The following KDM1B variants were observed in gnomAD, a reference collection of about 807,000 sequenced individuals.
KDM1B encodes lysine demethylase 1B.
Under a neutral mutation model 107.4 loss-of-function variants are expected in KDM1B, and 63 were observed. The observed-to-expected ratio is 0.59, with a 90% CI of 0.48 to 0.72. The LOEUF (loss-of-function observed/expected upper bound fraction) is 0.72, where lower values mean the gene tolerates loss of function less well. Ranked by LOEUF, KDM1B falls within the 30% of genes least tolerant of loss-of-function variation. The probability of loss-of-function intolerance (pLI) is 0.00; values close to 1 mark genes in which losing one functional copy is unlikely to be tolerated. For synonymous variants in KDM1B, 363 were observed against 363.9 expected (o/e 1.00, Z 0.03); for missense variants, 749 against 1,020.8 (o/e 0.73, Z 3.63).
chr6:18,164,153 A>T (rs576520630), intron 5 of KDM1B, among the ~76,000 whole-genome samples: 1 of 151,964 alleles, frequency 6.6e-6, no homozygotes, highest in African/African-American at 2.4e-5. Flanking sequence ...CTTGAGATGG[A>T]GTCTCGCTCT....
chr6:18,166,147 A>G (rs1785279859), intron 5 of KDM1B, 120 bp from the exon 6 acceptor site: 2 of 584,920 alleles, frequency 3.4e-6, no homozygotes, highest in East Asian at 2.8e-5. Context: ...CTCTACTTTT[A>G]TAACAAGGCT....
intron 6 of KDM1B, 66 bp from the exon 7 acceptor site, chr6:18,171,297 G>A (rs1474673675): frequency 2.4e-6 from 2 of 838,116 alleles, no homozygotes; most frequent in African/African-American, 1.7e-5. Flanking sequence ...ACCAAGTGGT[G>A]GAGGATAGAA....
chr6:18,173,622 G>A (rs1785805128), intron 7 of KDM1B, among the ~76,000 whole-genome samples: 1 of 151,880 alleles, frequency 6.6e-6, no homozygotes, highest in East Asian at 1.9e-4. Flanking sequence ...GTGCCTTATA[G>A]TTTTCATCTT....
intron 10 of KDM1B, among the ~76,000 whole-genome samples, chr6:18,196,399 C>T (rs1018282204): frequency 1.3e-5 from 2 of 152,130 alleles, no homozygotes; most frequent in Admixed American, 6.6e-5. Context: ...GAGACACCTC[C>T]GTACTGTCTT....
Position 18,215,022 on chromosome 6 carries a change from C to G in KDM1B, c.2125C>G (p.Leu709Val). The change falls in exon 20 of 22, where the codon CTG becomes GTG. Residue 709 changes from leucine to valine, a missense_variant. Physicochemically the swap from Leu to Val is conservative, Grantham distance 32 (BLOSUM62 1). Transcript: ENST00000650836. ...DMDPQKKHSVLMSVIAGEAVA... is the reference protein window; with the variant it reads ...DMDPQKKHSVVMSVIAGEAVA... ...ATGTCTCCAGAAGAAGCACAGCGTGCTGATGTCTGTGATTGCCGGGGAGGC... is the reference window on the plus strand; with the variant it reads ...ATGTCTCCAGAAGAAGCACAGCGTGGTGATGTCTGTGATTGCCGGGGAGGC... 1 of 1,614,018 alleles carries G rather than the reference C, an allele frequency of 6.2e-7. No homozygotes were observed. The highest frequency in any genetic ancestry group is 8.5e-7 in the Non-Finnish European group (1 of 1,179,960).
At chr6:18,207,846 A>T (rs1232642333) in intron 16 of KDM1B, among the ~76,000 whole-genome samples, 1 of 152,142 alleles carries the variant, frequency 6.6e-6, no homozygotes, top group Non-Finnish European at 1.5e-5. Context: ...GTGCATTTGT[A>T]TTGTGTGTTA....
rs751389702 is a variant in KDM1B, at chr6:18,214,564, G to C, written c.2110-443G>C. On this transcript the variant is annotated intron_variant, in intron 19 of 21. Transcript: ENST00000650836. The surrounding 1 kb of genome is among the most constrained non-coding windows in gnomAD (Gnocchi z 4.4). ...GTGTTTGCGAGGAAAATGGACTGGCGAGTGACGTGCGGATAAGGGACAGCC... is the reference window on the plus strand; with the variant it reads ...GTGTTTGCGAGGAAAATGGACTGGCCAGTGACGTGCGGATAAGGGACAGCC... 6.6e-6 allele frequency among the ~76,000 whole-genome samples: 1 copy of C among 152,150 alleles called. No homozygotes were observed. Among genetic ancestry groups the C allele is most frequent in the African/African-American group, 2.4e-5 (1 of 41,436 alleles).
Position 18,197,506 on chromosome 6 carries a change from T to G in KDM1B, c.1147-81T>G, listed in dbSNP as rs929366795. On this transcript the variant is annotated intron_variant, in intron 11 of 21. Coordinates refer to ENST00000650836, the MANE Select transcript of KDM1B (RefSeq NM_001364614.2). This position sits in a 1 kb window ranked among gnomAD's most constrained non-coding sequence, Gnocchi z 4.5. Reference sequence around the variant, plus strand: ...TCAAAGAAATGTAAATGAACGAATTTGCTCTGCAGTTCCGGAACAACTAAA... The same window carrying G: ...TCAAAGAAATGTAAATGAACGAATTGGCTCTGCAGTTCCGGAACAACTAAA... 9.3e-7 allele frequency: 1 copy of G among 1,075,000 alleles called. No individual in the cohort carries two copies. Among genetic ancestry groups the G allele is most frequent in the Non-Finnish European group, 1.4e-6 (1 of 707,562 alleles). 66.6% of individuals were successfully genotyped at this position (1,075,000 alleles called of 1,614,324 possible). A position where few individuals can be genotyped will look rare whatever the true frequency, so the allele number is the denominator to read the frequency against.
At chr6:18,199,008 GAAAAAAAAAAAAAA>G (rs70974711) in intron 12 of KDM1B, among the ~76,000 whole-genome samples, 2 of 74,696 alleles carry the variant, frequency 2.7e-5, no homozygotes, top group Non-Finnish European at 5.3e-5. Context: ...GTCTCTACCA[GAAAAAAAAAAAAAA>G]AAAAAAAAAA....
chr6:18,198,239 G>A (rs1582169188), intron 12 of KDM1B, among the ~76,000 whole-genome samples: 1 of 151,910 alleles, frequency 6.6e-6, no homozygotes, highest in East Asian at 1.9e-4. Context: ...CAATAGACAT[G>A]ATGAGAAAAA....
intron 10 of KDM1B, among the ~76,000 whole-genome samples, chr6:18,192,288 A>G (rs1787329524): frequency 6.6e-6 from 1 of 152,082 alleles, no homozygotes; most frequent in Admixed American, 6.6e-5. Flanking sequence ...GATTCTCTTG[A>G]CCCTAGCATT....
chr6:18,190,555 T>C lies in KDM1B; in HGVS notation c.785-642T>C, dbSNP rs144053680. On this transcript the variant is annotated intron_variant, in intron 9 of 21. Transcript: ENST00000650836. ...AGGCGGAGCTTGCAGCGAGCCGAGATCGCGCCACTGAACTCCAGCCAGGGC... is the reference window on the plus strand; with the variant it reads ...AGGCGGAGCTTGCAGCGAGCCGAGACCGCGCCACTGAACTCCAGCCAGGGC... 8.1e-3 allele frequency among the ~76,000 whole-genome samples: 1,231 copies of C among 151,054 alleles called. 22 individuals are homozygous for C. The highest frequency in any genetic ancestry group is 0.029 in the African/African-American group (1,175 of 40,994).
intron 6 of KDM1B, 112 bp downstream of exon 6, chr6:18,166,490 G>T: frequency 1.5e-6 from 1 of 673,192 alleles, no homozygotes; most frequent in South Asian, 1.8e-5. Flanking sequence ...TTCCTTCTAT[G>T]ACTATTAAAG....
rs184931497 is a variant in KDM1B, at chr6:18,212,749, A to G, written c.1983+145A>G. 28 of 663,682 alleles carry G rather than the reference A, an allele frequency of 4.2e-5. 1 individual carries two copies. The highest frequency in any genetic ancestry group is 4.3e-5 in the Non-Finnish European group (16 of 372,254). 41.1% of individuals were successfully genotyped at this position (663,682 alleles called of 1,614,324 possible). ...TTTTCATTTGAGTAATTGTTCGTGA[A>G]GAACACAGAAGAATATTATCAAAAC... On this transcript the variant is annotated intron_variant, in intron 18 of 21. Coordinates refer to ENST00000650836, the MANE Select transcript of KDM1B (RefSeq NM_001364614.2). The surrounding 1 kb of genome is among the most constrained non-coding windows in gnomAD (Gnocchi z 5.2).
intron 17 of KDM1B, among the ~76,000 whole-genome samples, chr6:18,208,865 A>G (rs1788614280): frequency 6.7e-6 from 1 of 148,596 alleles, no homozygotes; most frequent in Admixed American, 6.7e-5. Context: ...CCTGTTAGCC[A>G]GGATGGTCTC....
At chr6:18,179,339 T>C (rs1032402170) in intron 7 of KDM1B, among the ~76,000 whole-genome samples, 1 of 152,238 alleles carries the variant, frequency 6.6e-6, no homozygotes, top group African/African-American at 2.4e-5. Flanking sequence ...TTGTCTTGGA[T>C]ACTTTGTTAC....
In KDM1B at chr6:18,211,278, T is replaced by C. The variant is rs543567140; in HGVS notation, c.1867-1210T>C. 1.4e-4 allele frequency among the ~76,000 whole-genome samples: 22 copies of C among 152,248 alleles called. No individual in the cohort carries two copies. The highest frequency in any genetic ancestry group is 5.1e-4 in the African/African-American group (21 of 41,548). ...CAAAATCTTTGAAGCCTCAGGTAGA[T>C]TGGGTGCTTGGTCTTCAACTCCATT... On this transcript the variant is annotated intron_variant, in intron 17 of 21. Coordinates refer to ENST00000650836, the MANE Select transcript of KDM1B (RefSeq NM_001364614.2). The surrounding 1 kb of genome is among the most constrained non-coding windows in gnomAD (Gnocchi z 5.2).
chr6:18,163,066 T>G (rs1354374936), intron 5 of KDM1B, 142 bp downstream of exon 5: 9 of 603,400 alleles, frequency 1.5e-5, no homozygotes, highest in South Asian at 1.2e-4. Context: ...GACTGTAACT[T>G]GGACGAGAAC....
At chr6:18,167,355 CAAAAAA>C (rs1785367872) in intron 6 of KDM1B, among the ~76,000 whole-genome samples, 2 of 146,890 alleles carry the variant, frequency 1.4e-5, no homozygotes, top group Admixed American at 1.4e-4. Flanking sequence ...GACTCTGTCT[CAAAAAA>C]AGAAAAAAAA....
Sources: allele counts gnomAD v4.1 joint callset (sites outside exome capture counted in the v4.1 genomes callset), GRCh38; gene constraint gnomAD v4.1.1; non-coding constraint Gnocchi (gnomAD v3.1); transcripts MANE v1.5; gene names NCBI Gene and HGNC (gene_info 2026-07-23, HGNC 2026-07-21).